Variants in TPH2 observed in about 807,000 individuals in gnomAD.
TPH2 encodes tryptophan hydroxylase 2, also known as tryptophan 5-hydroxylase 2.
A neutral mutation model predicts 59.1 loss-of-function variants in TPH2; 27 were observed. That is an observed-to-expected ratio of 0.46 (90% CI 0.34 to 0.63). The LOEUF (loss-of-function observed/expected upper bound fraction) is 0.63. TPH2 is among the 30% of genes least tolerant of loss of function. The probability of loss-of-function intolerance (pLI) is 0.01; values close to 1 mark genes in which losing one functional copy is unlikely to be tolerated. For synonymous variants in TPH2, 220 were observed against 210.5 expected (o/e 1.05, Z -0.39); for missense variants, 523 against 588.3 (o/e 0.89, Z 1.15).
rs1464103103 is a variant in TPH2 at position 71,964,155 on chromosome 12, T to C, written c.609-8364T>C. On this transcript the variant is annotated intron_variant, in intron 5 of 10. Coordinates refer to ENST00000333850, the MANE Select transcript of TPH2 (RefSeq NM_173353.4). ...ATGGAATGGGATTTAAAAAAATGTA[T>C]ATATATATGCACATACATACTGATA... Among the ~76,000 whole-genome samples, 8 of 51,052 alleles carry C rather than the reference T, an allele frequency of 1.6e-4. 4 individuals are homozygous for C. Among genetic ancestry groups the C allele is most frequent in the African/African-American group, 4.4e-4 (8 of 18,240 alleles). 33.5% of individuals were successfully genotyped at this position (51,052 alleles called of 152,430 possible). A position where few individuals can be genotyped will look rare whatever the true frequency, so the allele number is the denominator to read the frequency against.
intron 8 of TPH2, among the ~76,000 whole-genome samples, chr12:72,005,316 C>G (rs1424279185): frequency 6.6e-6 from 1 of 152,034 alleles, no homozygotes; most frequent in East Asian, 1.9e-4. Flanking sequence ...CAGGGTGACT[C>G]AGGGACTTCT....
At position 71,986,507 on chromosome 12, in the gene TPH2, T is replaced by G. The variant is rs566416232; in HGVS notation, c.941+7420T>G. 2.9e-3 allele frequency among the ~76,000 whole-genome samples: 444 copies of G among 152,298 alleles called. 2 individuals are homozygous for G. The highest frequency in any genetic ancestry group is 0.01 in the African/African-American group (433 of 41,568). On this transcript the variant is annotated intron_variant, in intron 7 of 10. Transcript: ENST00000333850. ...TCCATTTTTAAAAAATCATATACATTATTTAAAATGTGCAGTTAGAAACCA... is the reference window on the plus strand; with the variant it reads ...TCCATTTTTAAAAAATCATATACATGATTTAAAATGTGCAGTTAGAAACCA...
intron 4 of TPH2, among the ~76,000 whole-genome samples, chr12:71,949,020 C>T (rs1397903816): frequency 6.6e-6 from 1 of 152,162 alleles, no homozygotes; most frequent in East Asian, 1.9e-4. Flanking sequence ...TGGTGCCAGG[C>T]TTCTGTCCTG....
intron 8 of TPH2, among the ~76,000 whole-genome samples, chr12:72,018,887 A>G (rs1167721982): frequency 6.6e-6 from 1 of 152,208 alleles, no homozygotes; most frequent in Non-Finnish European, 1.5e-5. Context: ...CAAGCTCCTT[A>G]AAATCCTGAG....
chr12:72,005,236 G>A (rs1308548385), intron 8 of TPH2, among the ~76,000 whole-genome samples: 2 of 151,976 alleles, frequency 1.3e-5, no homozygotes, highest in African/African-American at 4.8e-5. Context: ...ATTTTTTTCA[G>A]GATCTGAAAG....
intron 8 of TPH2, among the ~76,000 whole-genome samples, chr12:72,008,437 C>A (rs1238081118): frequency 6.6e-6 from 1 of 152,126 alleles, no homozygotes; most frequent in Non-Finnish European, 1.5e-5. Context: ...TCCTTATTGT[C>A]CCAGGGCAGG....
chr12:71,943,745 T>C (rs1228077824), intron 2 of TPH2, among the ~76,000 whole-genome samples: 1 of 152,056 alleles, frequency 6.6e-6, no homozygotes, highest in Non-Finnish European at 1.5e-5. Flanking sequence ...ACAGTTTGGC[T>C]AGTGTTTCCC....
intron 7 of TPH2, among the ~76,000 whole-genome samples, chr12:71,991,459 G>C (rs1360071051): frequency 6.6e-6 from 1 of 152,168 alleles, no homozygotes; most frequent in Non-Finnish European, 1.5e-5. Flanking sequence ...CCTTGTTTAT[G>C]TCAATGAGAG....
At chr12:71,999,638 C>T (rs987940838) in intron 8 of TPH2, among the ~76,000 whole-genome samples, 4 of 152,144 alleles carry the variant, frequency 2.6e-5, no homozygotes, top group Middle Eastern at 3.2e-3. Context: ...AGGTAGCACA[C>T]GTGTGAAATA....
At chr12:71,997,107 T>C (rs1257467815) in intron 8 of TPH2, among the ~76,000 whole-genome samples, 1 of 152,236 alleles carries the variant, frequency 6.6e-6, no homozygotes, top group African/African-American at 2.4e-5. Context: ...AGCCGTTTTG[T>C]TGCTTTTTCC....
In TPH2 at chr12:72,022,676, C is replaced by A. The variant is rs537126799; in HGVS notation, c.1164+182C>A. 7.2e-4 allele frequency among the ~76,000 whole-genome samples: 110 copies of A among 152,332 alleles called. 1 individual carries two copies. The highest frequency in any genetic ancestry group is 2.6e-3 in the African/African-American group (107 of 41,574). ...TTCGCACTTGTGAAAATGGGTCATG[C>A]CTTTCTGGATTTGTGGTGTGACTCA... is the stretch of plus-strand genomic sequence containing the variant. On this transcript the variant is annotated intron_variant, in intron 9 of 10. Transcript: ENST00000333850.
At chr12:71,952,534 T>A (rs1269937870) in intron 5 of TPH2, among the ~76,000 whole-genome samples, 1 of 152,120 alleles carries the variant, frequency 6.6e-6, no homozygotes, top group Non-Finnish European at 1.5e-5. Flanking sequence ...GATTATAACC[T>A]TAGGCTACTT....
chr12:71,948,466 A>T (rs1435043589), intron 4 of TPH2, among the ~76,000 whole-genome samples: 1 of 152,170 alleles, frequency 6.6e-6, no homozygotes, highest in South Asian at 2.1e-4. Context: ...TCAAGCAGAC[A>T]GCCCTGTGAA....
At chr12:71,952,199 T>G (rs535761010) in intron 5 of TPH2, among the ~76,000 whole-genome samples, 2 of 152,202 alleles carry the variant, frequency 1.3e-5, no homozygotes, top group South Asian at 2.1e-4. Flanking sequence ...GTTCTCAAAG[T>G]GTTAACAAGA....
At chr12:71,997,326 T>C (rs138926235) in intron 8 of TPH2, among the ~76,000 whole-genome samples, 2,072 of 152,346 alleles carry the variant, frequency 0.014, 29 homozygotes, top group Non-Finnish European at 0.024. Flanking sequence ...CGTCTCACTA[T>C]GTATGGCCAT....
At chr12:72,028,740 G>T (rs1048203757) in intron 9 of TPH2, among the ~76,000 whole-genome samples, 1 of 152,282 alleles carries the variant, frequency 6.6e-6, no homozygotes, top group African/African-American at 2.4e-5. Flanking sequence ...GGGTGGAAAG[G>T]TCTCCAGCAG....
In TPH2 at chr12:71,983,149, G is replaced by A. The variant is rs550458456; in HGVS notation, c.941+4062G>A. 7.2e-5 allele frequency among the ~76,000 whole-genome samples: 11 copies of A among 152,228 alleles called. 1 individual carries two copies. The East Asian group carries it at 2.1e-3, about 29-fold the overall frequency. On this transcript the variant is annotated intron_variant, in intron 7 of 10. Transcript: ENST00000333850. ...CCTGGAAGACAATAAAGAACCCCTG[G>A]CAAATTAGTGACTTCTGGTTTTCCT...
chr12:72,002,707 AG>A (rs1240870187), intron 8 of TPH2, among the ~76,000 whole-genome samples: 1 of 152,112 alleles, frequency 6.6e-6, no homozygotes, highest in African/African-American at 2.4e-5. Flanking sequence ...GTTTTTTGAA[AG>A]GGCGAAATTC....
At chr12:71,977,904 T>A (rs1872165817) in intron 6 of TPH2, among the ~76,000 whole-genome samples, 1 of 152,226 alleles carries the variant, frequency 6.6e-6, no homozygotes. Flanking sequence ...TACTGTTCGG[T>A]CAACAATGGA....
Sources: gnomAD v4.1 joint callset for allele counts (sites outside exome capture counted in the v4.1 genomes callset) on GRCh38, gnomAD v4.1.1 for gene constraint, MANE v1.5 for transcripts, NCBI Gene and HGNC (gene_info 2026-07-23, HGNC 2026-07-21) for gene names.